Variants in RMND5A observed in about 807,000 individuals in gnomAD.
The protein encoded by RMND5A is E3 ubiquitin-protein transferase RMND5A.
In RMND5A, 17 loss-of-function variants were observed where a neutral mutation model predicts 49.7. That is an observed-to-expected ratio of 0.34 (90% confidence interval 0.23 to 0.51). The LOEUF (loss-of-function observed/expected upper bound fraction) is 0.51, where lower values mean the gene tolerates loss of function less well. RMND5A is among the 20% of genes least tolerant of loss of function. The probability of loss-of-function intolerance (pLI) is 0.96; values close to 1 mark genes in which losing one functional copy is unlikely to be tolerated. For synonymous variants in RMND5A, 156 were observed against 167.7 expected, an observed-to-expected ratio of 0.93 and a Z score of 0.54; for missense variants, 255 against 471.3, an observed-to-expected ratio of 0.54 and a Z score of 4.25.
intron 3 of RMND5A, among the ~76,000 whole-genome samples, chr2:86,752,425 T>C (rs1681652302): frequency 6.6e-6 from 1 of 152,220 alleles, no homozygotes; most frequent in African/African-American, 2.4e-5. Flanking sequence ...TTTTATCAAA[T>C]GAATTTCCAG....
At chr2:86,721,315 TGG>T (rs962201823) in intron 1 of RMND5A, among the ~76,000 whole-genome samples, 2 of 151,940 alleles carry the variant, frequency 1.3e-5, no homozygotes, top group African/African-American at 4.8e-5. Flanking sequence ...CGTTTTATTT[TGG>T]AAAGTCGAGC....
At chr2:86,745,064 A>G (rs1681515158) in intron 2 of RMND5A, among the ~76,000 whole-genome samples, 1 of 151,058 alleles carries the variant, frequency 6.6e-6, no homozygotes, top group African/African-American at 2.4e-5. Context: ...TTCCTCTCCC[A>G]TTTTTAGATA....
chr2:86,746,104 A>G (rs1251724314), intron 2 of RMND5A, among the ~76,000 whole-genome samples: 2 of 152,344 alleles, frequency 1.3e-5, no homozygotes, highest in East Asian at 1.9e-4. Context: ...ATATTTTAAG[A>G]TAGTTCTGGG....
intron 1 of RMND5A, among the ~76,000 whole-genome samples, chr2:86,732,818 T>C (rs1308499523): frequency 8.8e-6 from 1 of 113,254 alleles, no homozygotes; most frequent in African/African-American, 4.5e-5. Context: ...AGGTCATTAT[T>C]TGGAAGAGAG....
chr2:86,748,030 T>G (rs1216831764), intron 2 of RMND5A, among the ~76,000 whole-genome samples: 1 of 152,188 alleles, frequency 6.6e-6, no homozygotes, highest in East Asian at 1.9e-4. Flanking sequence ...AGCTTTTCTT[T>G]GCTTAAAAAA....
At chr2:86,743,200 G>C (rs1681479782) in intron 2 of RMND5A, among the ~76,000 whole-genome samples, 2 of 152,076 alleles carry the variant, frequency 1.3e-5, no homozygotes, top group South Asian at 2.1e-4. Context: ...AACATTATCT[G>C]GATGTACTTG....
chr2:86,750,376 A>G (rs1267030752), intron 2 of RMND5A, among the ~76,000 whole-genome samples: 1 of 152,210 alleles, frequency 6.6e-6, no homozygotes, highest in Non-Finnish European at 1.5e-5. Flanking sequence ...TTCACTGGAT[A>G]TAGAATTCTA....
chr2:86,763,268 A>G (rs1672535411), intron 4 of RMND5A, among the ~76,000 whole-genome samples: 1 of 152,198 alleles, frequency 6.6e-6, no homozygotes, highest in Non-Finnish European at 1.5e-5. Context: ...GAGAAAAAAG[A>G]AAAATCTTAC....
At chr2:86,720,930 G>A (rs1681198521) in intron 1 of RMND5A, 121 bp downstream of exon 1, 1 of 894,436 alleles carries the variant, frequency 1.1e-6, no homozygotes, top group South Asian at 1.9e-5. Context: ...CTCCCCTGAG[G>A]CGCGGAGGCC....
At chr2:86,773,219 C>T in intron 8 of RMND5A, 129 bp from the exon 9 acceptor site, 1 of 474,236 alleles carries the variant, frequency 2.1e-6, no homozygotes, top group Non-Finnish European at 3.8e-6. Flanking sequence ...AAGCAAAATA[C>T]AAACAGACTT....
At chr2:86,729,246 A>G (rs567277340) in intron 1 of RMND5A, among the ~76,000 whole-genome samples, 37 of 152,312 alleles carry the variant, frequency 2.4e-4, no homozygotes, top group African/African-American at 8.4e-4. Flanking sequence ...GGGAAAAAAC[A>G]AGACCACGGC....
chr2:86,753,266 C>T (rs1252216699), intron 3 of RMND5A, among the ~76,000 whole-genome samples, 192 bp from the exon 4 acceptor site: 2 of 152,084 alleles, frequency 1.3e-5, no homozygotes, highest in Admixed American at 1.3e-4. Context: ...TGCTTATGTA[C>T]CCTGCTGAAA....
At chr2:86,762,097 G>A (rs920835249) in intron 4 of RMND5A, among the ~76,000 whole-genome samples, 2 of 152,118 alleles carry the variant, frequency 1.3e-5, no homozygotes, top group African/African-American at 4.8e-5. Context: ...GCCTTTTAAA[G>A]TATAAAATTA....
At chr2:86,736,398 A>C (rs1427681981) in intron 1 of RMND5A, among the ~76,000 whole-genome samples, 1 of 114,294 alleles carries the variant, frequency 8.7e-6, no homozygotes, top group Non-Finnish European at 1.9e-5. Flanking sequence ...TGCCCAAGTT[A>C]GTCTCAAACT....
At chr2:86,723,993 G>T (rs1168787576) in intron 1 of RMND5A, among the ~76,000 whole-genome samples, 1 of 152,064 alleles carries the variant, frequency 6.6e-6, no homozygotes, top group South Asian at 2.1e-4. Context: ...AATGAGGATA[G>T]TATGGGCTGG....
At chr2:86,765,807 G>T (rs368315594) in intron 5 of RMND5A, 52 bp from the exon 6 acceptor site, 6 of 1,548,770 alleles carry the variant, frequency 3.9e-6, no homozygotes, top group South Asian at 3.5e-5. Flanking sequence ...CTTGCTTTTC[G>T]CAGCTTATTA....
chr2:86,768,079 A>G (rs913708138), intron 6 of RMND5A, among the ~76,000 whole-genome samples: 3 of 152,238 alleles, frequency 2.0e-5, no homozygotes, highest in African/African-American at 7.2e-5. Flanking sequence ...AATGTTTGCA[A>G]TAATGGCATG....
At chr2:86,769,677 A>AG (rs1672657198) in intron 6 of RMND5A, among the ~76,000 whole-genome samples, 1 of 148,214 alleles carries the variant, frequency 6.7e-6, no homozygotes, top group Admixed American at 6.6e-5. Flanking sequence ...CTAGCAGATG[A>AG]GTTTTTTTTT....
chr2:86,746,076 A>T (rs373597174), intron 2 of RMND5A, among the ~76,000 whole-genome samples: 28 of 152,278 alleles, frequency 1.8e-4, no homozygotes, highest in African/African-American at 6.5e-4. Flanking sequence ...GTAATGGTAT[A>T]AAAAAATGAC....
Sources: allele counts gnomAD v4.1 joint callset (sites outside exome capture counted in the v4.1 genomes callset), GRCh38; gene constraint gnomAD v4.1.1; transcripts MANE v1.5; gene names NCBI Gene and HGNC (gene_info 2026-07-23, HGNC 2026-07-21).